HEBP1: variants seen among roughly 807,000 people sequenced by gnomAD.
HEBP1 encodes the protein heme binding protein 1.
A neutral mutation model predicts 20.4 loss-of-function variants in HEBP1; 13 were observed. The ratio of observed to expected loss-of-function variants is 0.64; its 90% confidence interval spans 0.42 to 1.01. The LOEUF (loss-of-function observed/expected upper bound fraction) is 1.01, where lower values mean the gene tolerates loss of function less well. HEBP1 is among the 50% of genes least tolerant of loss of function. HEBP1 has a pLI of 0.00. For missense variants in HEBP1, 241 were observed against 247.3 expected, an observed-to-expected ratio of 0.97 and a Z score of 0.17; for synonymous variants, 92 against 90.7, an observed-to-expected ratio of 1.01 and a Z score of -0.08.
intron 3 of HEBP1, among the ~76,000 whole-genome samples, chr12:12,981,554 A>G (rs1864082673): frequency 1.3e-5 from 2 of 152,188 alleles, no homozygotes; most frequent in South Asian, 4.1e-4. Context: ...TATTAGAGAT[A>G]TTTAATAAAT....
At chr12:12,975,870 G>T (rs1392069252) in intron 3 of HEBP1, among the ~76,000 whole-genome samples, 1 of 151,770 alleles carries the variant, frequency 6.6e-6, no homozygotes, top group South Asian at 2.1e-4. Flanking sequence ...TCTACTGCCC[G>T]GCTGTACCTC....
chr12:12,985,557 C>T lies in HEBP1; in HGVS notation c.398+1595G>A, dbSNP rs908036226. 5 of 151,970 alleles carry T rather than the reference C, an allele frequency of 3.3e-5. No homozygotes were observed. The South Asian group carries it at 1.0e-3, about 32-fold the overall frequency. 9.4% of individuals were successfully genotyped at this position (151,970 alleles called of 1,614,324 possible). A position where few individuals can be genotyped will look rare whatever the true frequency, so the allele number is the denominator to read the frequency against. ...GTAAAACAAATGATCAGAAACTAGC[C>T]CCATCTGCTTGAAGTCTTAATGTGA... On this transcript the variant is annotated intron_variant, in intron 3 of 3. Transcript: ENST00000014930.
At position 12,975,162 on chromosome 12, in the gene HEBP1, TCAGAAAA is replaced by T; in HGVS notation, c.*139_*145del. Reference sequence around the variant, plus strand: ...ACTTAGTATATGGAACATGCTTTTTTCAGAAAATTGGCAGTAACTGACTTTGAAGGAA... The same window carrying T: ...ACTTAGTATATGGAACATGCTTTTTTTTGGCAGTAACTGACTTTGAAGGAA... On this transcript the variant is annotated 3_prime_UTR_variant, in exon 4 of 4. Transcript: ENST00000014930. 2.9e-6 allele frequency: 2 copies of T among 692,046 alleles called. No individual in the cohort carries two copies. The highest frequency in any genetic ancestry group is 4.9e-6 in the Non-Finnish European group (2 of 405,060). 42.9% of individuals were successfully genotyped at this position (692,046 alleles called of 1,614,324 possible).
At chr12:12,988,906 G>T (rs1864184320) in intron 2 of HEBP1, among the ~76,000 whole-genome samples, 1 of 152,146 alleles carries the variant, frequency 6.6e-6, no homozygotes. Context: ...CCTGATGCTG[G>T]CCTTGCGTTG....
chr12:12,987,612 T>TTC (rs71064360), intron 2 of HEBP1, among the ~76,000 whole-genome samples: 20 of 117,778 alleles, frequency 1.7e-4, no homozygotes, highest in African/African-American at 3.4e-4. Context: ...CTCTCTCTCT[T>TTC]TCTCTCTCTC....
chr12:12,985,253 T>C (rs549039800), intron 3 of HEBP1, among the ~76,000 whole-genome samples: 1 of 152,132 alleles, frequency 6.6e-6, no homozygotes, highest in African/African-American at 2.4e-5. Flanking sequence ...GATTATATTT[T>C]AAAAAAATCT....
At position 12,988,823 on chromosome 12, in the gene HEBP1, A is replaced by C. The variant is rs185305767; in HGVS notation, c.217+454T>G. On this transcript the variant is annotated intron_variant, in intron 2 of 3. Transcript: ENST00000014930. ...CCTTCATTTGCCAGACAGGGTCTGGAACCTCACTGCTCACTGAGCCTCAGG... is the reference window on the plus strand; with the variant it reads ...CCTTCATTTGCCAGACAGGGTCTGGCACCTCACTGCTCACTGAGCCTCAGG... Among the ~76,000 whole-genome samples the C allele has an allele frequency of 3.5e-3, 526 of 152,236 alleles. 3 individuals are homozygous for C. Among genetic ancestry groups the C allele is most frequent in the African/African-American group, 0.011 (454 of 41,534 alleles).
chr12:12,989,904 C>A (rs1406045416), intron 1 of HEBP1, among the ~76,000 whole-genome samples: 1 of 152,128 alleles, frequency 6.6e-6, no homozygotes, highest in Non-Finnish European at 1.5e-5. Context: ...TTCAAGGAAT[C>A]AGAGTTCATT....
rs1028988577 is a variant in HEBP1, at chr12:12,998,348, A to C, written c.78+1689T>G. On this transcript the variant is annotated intron_variant, in intron 1 of 3. Transcript: ENST00000014930. This position sits in a 1 kb window ranked among gnomAD's most constrained non-coding sequence, Gnocchi z 4.2. ...TTTTAAATTGGGTGATTTCGCTAAG[A>C]ATCTGGATGTATGGTTTTCCTTAAG... is the stretch of plus-strand genomic sequence containing the variant. 2.6e-5 allele frequency among the ~76,000 whole-genome samples: 4 copies of C among 152,146 alleles called. No individual in the cohort carries two copies. The highest frequency in any genetic ancestry group is 9.7e-5 in the African/African-American group (4 of 41,436).
chr12:12,983,191 G>A (rs935472949), intron 3 of HEBP1, among the ~76,000 whole-genome samples: 66 of 152,202 alleles, frequency 4.3e-4, no homozygotes, highest in African/African-American at 1.4e-3. Context: ...TGAGAACCTG[G>A]TGCTGAAATG....
intron 1 of HEBP1, 69 bp downstream of exon 1, chr12:12,999,968 T>G (rs1591580314): frequency 9.0e-7 from 1 of 1,107,228 alleles, no homozygotes; most frequent in Non-Finnish European, 1.3e-6. Flanking sequence ...CAGCACCCGC[T>G]GCAGCCCCGA....
intron 3 of HEBP1, among the ~76,000 whole-genome samples, chr12:12,978,077 G>A (rs1262145123): frequency 6.6e-6 from 1 of 152,102 alleles, no homozygotes; most frequent in African/African-American, 2.4e-5. Flanking sequence ...AAACATCTGA[G>A]GGGACAGTGG....
At chr12:12,990,262 G>A (rs2136547490) in intron 1 of HEBP1, among the ~76,000 whole-genome samples, 1 of 151,860 alleles carries the variant, frequency 6.6e-6, no homozygotes, top group Admixed American at 6.6e-5. Context: ...TCGACCTCCT[G>A]AGCTCAAGCG....
In HEBP1 at chr12:12,998,674, G is replaced by T. The variant is rs908838008; in HGVS notation, c.78+1363C>A. Among the ~76,000 whole-genome samples, 1 of 152,196 alleles carries T rather than the reference G, an allele frequency of 6.6e-6. No homozygotes were observed. Among genetic ancestry groups the T allele is most frequent in the East Asian group, 1.9e-4 (1 of 5,204 alleles). On this transcript the variant is annotated intron_variant, in intron 1 of 3. Transcript: ENST00000014930. This position sits in a 1 kb window ranked among gnomAD's most constrained non-coding sequence, Gnocchi z 4.2. ...GATTAGAGTCTAATTGAGGGCTTTC[G>T]TGATATGAAGATCATTGTACTAGGT... is the stretch of plus-strand genomic sequence containing the variant.
rs1376201907 is a variant in HEBP1 at position 12,998,673 on chromosome 12, C to A, written c.78+1364G>T. 6.6e-6 allele frequency among the ~76,000 whole-genome samples: 1 copy of A among 152,202 alleles called. No individual in the cohort carries two copies. Among genetic ancestry groups the A allele is most frequent in the Non-Finnish European group, 1.5e-5 (1 of 68,040 alleles). ...AGATTAGAGTCTAATTGAGGGCTTT[C>A]GTGATATGAAGATCATTGTACTAGG... On this transcript the variant is annotated intron_variant, in intron 1 of 3. Coordinates refer to ENST00000014930, the MANE Select transcript of HEBP1 (RefSeq NM_015987.5). The surrounding 1 kb of genome is among the most constrained non-coding windows in gnomAD (Gnocchi z 4.2).
chr12:12,988,706 T>C (rs1282922474), intron 2 of HEBP1, among the ~76,000 whole-genome samples: 1 of 152,220 alleles, frequency 6.6e-6, no homozygotes, highest in Non-Finnish European at 1.5e-5. Context: ...ACACCTTTCA[T>C]GAGACTTCAG....
At position 12,987,241 on chromosome 12, in the gene HEBP1, C is replaced by T; in HGVS notation, c.309G>A (p.Arg103=). The part of the protein sequence containing the change: ...SLQKKLKVWF[R]IPNQFQSDPP... ...GGTCGCTTTGAAATTGGTTTGGAAT[C>T]CGGAACCAGACTTTTAATTTCTTCT... The change falls in exon 3 of 4, where the codon CGG becomes CGA. Residue 103 remains arginine, a synonymous_variant. Coordinates refer to ENST00000014930, the MANE Select transcript of HEBP1 (RefSeq NM_015987.5). 1 of 1,614,030 alleles carries T rather than the reference C, an allele frequency of 6.2e-7. No homozygotes were observed. The highest frequency in any genetic ancestry group is 8.5e-7 in the Non-Finnish European group (1 of 1,179,994).
At chr12:12,978,275 A>G (rs979025827) in intron 3 of HEBP1, among the ~76,000 whole-genome samples, 1 of 136,808 alleles carries the variant, frequency 7.3e-6, no homozygotes, top group Non-Finnish European at 1.5e-5. Flanking sequence ...CAGTGGCGCA[A>G]TCTCGGCTCA....
At chr12:12,992,485 TGA>T (rs3837485) in intron 1 of HEBP1, among the ~76,000 whole-genome samples, 104,702 of 151,896 alleles carry the variant, frequency 0.69, 39,422 homozygotes, top group East Asian at 0.97. Flanking sequence ...ATTACAGGTA[TGA>T]GCCACTGTGC....
Sources: gnomAD v4.1 joint callset for allele counts (sites outside exome capture counted in the v4.1 genomes callset) on GRCh38, gnomAD v4.1.1 for gene constraint, Gnocchi (gnomAD v3.1) non-coding constraint, MANE v1.5 for transcripts, NCBI Gene and HGNC (gene_info 2026-07-23, HGNC 2026-07-21) for gene names.